Variants in ITSN2 observed in about 807,000 individuals in gnomAD.
ITSN2 encodes the protein intersectin 2, also known as intersectin-2.
ITSN2 carries 156 observed loss-of-function variants against 243.7 expected under a neutral mutation model. The observed-to-expected ratio is 0.64, with a 90% confidence interval of 0.56 to 0.73. The LOEUF (loss-of-function observed/expected upper bound fraction) is 0.73, where lower values mean the gene tolerates loss of function less well. Ranked by LOEUF, ITSN2 falls within the 30% of genes least tolerant of loss-of-function variation. ITSN2 has a pLI of 0.00. For missense variants in ITSN2, 1,801 were observed against 1,996.1 expected (o/e 0.90, Z 1.86); for synonymous variants, 703 against 699.9 (o/e 1.00, Z -0.07).
intron 25 of ITSN2, among the ~76,000 whole-genome samples, chr2:24,250,175 G>A (rs1025730831): frequency 2.0e-5 from 3 of 152,262 alleles, no homozygotes; most frequent in African/African-American, 7.2e-5. Flanking sequence ...AAAGTATGAC[G>A]GTTGTCTTAA....
At chr2:24,301,336 G>T (rs1461947884) in intron 10 of ITSN2, 97 bp from the exon 11 acceptor site, 1 of 635,660 alleles carries the variant, frequency 1.6e-6, no homozygotes. Context: ...TTGATATTGG[G>T]AATACAGTAT....
intron 29 of ITSN2, among the ~76,000 whole-genome samples, chr2:24,222,029 T>A (rs534412431): frequency 6.6e-6 from 1 of 151,942 alleles, no homozygotes; most frequent in Non-Finnish European, 1.5e-5. Flanking sequence ...AAGGTGGGTG[T>A]ATCACGAGGT....
At chr2:24,301,410 CAG>C (rs1472549287) in intron 10 of ITSN2, among the ~76,000 whole-genome samples, 171 bp from the exon 11 acceptor site, 3 of 152,118 alleles carry the variant, frequency 2.0e-5, no homozygotes, top group Non-Finnish European at 2.9e-5. Context: ...ATATTCAAGA[CAG>C]AGAAATCTGG....
At chr2:24,254,483 A>T in intron 23 of ITSN2, 52 bp from the exon 24 acceptor site, 2 of 1,431,872 alleles carry the variant, frequency 1.4e-6, no homozygotes, top group Non-Finnish European at 2.0e-6. Context: ...ACAAGCAAAA[A>T]TAAGAAAGGT....
intron 2 of ITSN2, among the ~76,000 whole-genome samples, chr2:24,322,305 T>C (rs1684662037): frequency 6.6e-6 from 1 of 152,168 alleles, no homozygotes; most frequent in South Asian, 2.1e-4. Context: ...GAAACAGTGG[T>C]ACAGAGATAT....
In ITSN2 at chr2:24,295,817, C is replaced by G; in HGVS notation, c.1495-13G>C. ...GATGTTTGCCATTCTATAGGAAGATCATATAAATATATAGTAACATAAAAT... is the reference window on the plus strand; with the variant it reads ...GATGTTTGCCATTCTATAGGAAGATGATATAAATATATAGTAACATAAAAT... On this transcript the variant is annotated splice_polypyrimidine_tract_variant and intron_variant, in intron 13 of 39. Coordinates refer to ENST00000355123, the MANE Select transcript of ITSN2 (RefSeq NM_006277.3). The G allele has an allele frequency of 6.7e-7, 1 of 1,496,054 alleles. No homozygotes were observed. The highest frequency in any genetic ancestry group is 1.4e-5 in the South Asian group (1 of 72,154). The allele number at this position is 1,496,054 out of a possible 1,614,324, so 92.7% of individuals were successfully genotyped here.
At chr2:24,215,969 G>T in intron 32 of ITSN2, 80 bp downstream of exon 32, 2 of 1,050,734 alleles carry the variant, frequency 1.9e-6, no homozygotes, top group Non-Finnish European at 2.6e-6. Context: ...TCCATTGCTG[G>T]GATTCCCTGT....
At chr2:24,205,437 T>G in intron 37 of ITSN2, 140 bp from the exon 38 acceptor site, 1 of 664,404 alleles carries the variant, frequency 1.5e-6, no homozygotes, top group Non-Finnish European at 2.6e-6. Flanking sequence ...CTGGCTGCCC[T>G]GTGCCTTTCC....
chr2:24,208,257 T>A lies in ITSN2; in HGVS notation c.4658A>T (p.Lys1553Met). 1 of 1,611,602 alleles carries A rather than the reference T, an allele frequency of 6.2e-7. No individual in the cohort carries two copies. Residue 1553 changes from lysine (K) to methionine (M), a missense_variant, in exon 37 of 40, where the codon AAG (lysine) becomes ATG (methionine). Around this residue, in one of 5 missense-constraint regions of ITSN2, gnomAD observed 928 missense variants for 1,065.4 expected, o/e 0.87. Transcript: ENST00000355123. ...GATACCTTGGTAAGCTTTCTCACGCTTCTTCTTCTCGGTGTCGATGTACTG... is the reference window on the plus strand; with the variant it reads ...GATACCTTGGTAAGCTTTCTCACGCATCTTCTTCTCGGTGTCGATGTACTG... ...SEQYIDTEKKKREKAYQARSQ... is the reference protein window; with the variant it reads ...SEQYIDTEKKMREKAYQARSQ...
chr2:24,276,160 A>T (rs1325526403), intron 17 of ITSN2, among the ~76,000 whole-genome samples: 2 of 152,246 alleles, frequency 1.3e-5, no homozygotes, highest in Non-Finnish European at 2.9e-5. Context: ...ATCCATTAAA[A>T]ATATGGGGGA....
intron 8 of ITSN2, among the ~76,000 whole-genome samples, chr2:24,305,576 C>CAAAAAAAAAAAAAAAA (rs537945691): frequency 9.8e-5 from 4 of 40,904 alleles, no homozygotes; most frequent in African/African-American, 2.2e-4. Context: ...GACTCTGTCT[C>CAAAAAAAAAAAAAAAA]AAAAAAAAAA....
intron 20 of ITSN2, among the ~76,000 whole-genome samples, chr2:24,268,769 A>C (rs1676982953): frequency 6.6e-6 from 1 of 151,894 alleles, no homozygotes; most frequent in African/African-American, 2.4e-5. Context: ...AAAAAAAAAA[A>C]AACTTCCCTC....
intron 30 of ITSN2, chr2:24,220,720 A>C: frequency 7.5e-7 from 1 of 1,339,134 alleles, no homozygotes; most frequent in Non-Finnish European, 9.5e-7. Flanking sequence ...GAGTGACCTC[A>C]TCTGGGGGAA....
chr2:24,350,899 C>T (rs1014769472), intron 1 of ITSN2, among the ~76,000 whole-genome samples: 1 of 152,016 alleles, frequency 6.6e-6, no homozygotes, highest in African/African-American at 2.4e-5. Context: ...CTTTTAAGAA[C>T]GACGAAAATG....
chr2:24,284,753 AGAAAATAACCTTAAGTAAGAGGAAGAG>A lies in ITSN2; in HGVS notation c.1927_1944+9del. On this transcript the variant is annotated splice_donor_variant and splice_donor_5th_base_variant and coding_sequence_variant and intron_variant, in exon 17 of 40. Coordinates refer to ENST00000355123, the MANE Select transcript of ITSN2 (RefSeq NM_006277.3). LOFTEE classifies it high-confidence loss of function. ...ACTCAAAGAAAAGAAGCTAGATATT[AGAAAATAACCTTAAGTAAGAGGAAGAG>A]GTTGTTGAGACAGCTTAGCAGAGAC... The A allele has an allele frequency of 6.6e-7, 1 of 1,520,472 alleles. No individual in the cohort carries two copies. Among genetic ancestry groups the A allele is most frequent in the Non-Finnish European group, 9.1e-7 (1 of 1,098,790 alleles). The allele number at this position is 1,520,472 out of a possible 1,614,324, so 94.2% of individuals were successfully genotyped here.
chr2:24,290,532 TGTTTA>T (rs1238615893), intron 15 of ITSN2, among the ~76,000 whole-genome samples: 3 of 152,224 alleles, frequency 2.0e-5, no homozygotes, highest in Admixed American at 6.5e-5. Flanking sequence ...CTCTATGTAT[TGTTTA>T]AAGAGACCTT....
At chr2:24,324,567 G>A (rs1684941977) in intron 2 of ITSN2, among the ~76,000 whole-genome samples, 1 of 152,000 alleles carries the variant, frequency 6.6e-6, no homozygotes. Context: ...GTACAAAGAT[G>A]AATAAAATGA....
chr2:24,215,149 G>T (rs1669839717), intron 32 of ITSN2, among the ~76,000 whole-genome samples: 1 of 152,142 alleles, frequency 6.6e-6, no homozygotes, highest in South Asian at 2.1e-4. Flanking sequence ...AACTTGTGAC[G>T]TGGCATCACG....
At chr2:24,301,938 T>G in intron 10 of ITSN2, 27 bp downstream of exon 10, 3 of 1,586,704 alleles carry the variant, frequency 1.9e-6, no homozygotes, top group Non-Finnish European at 2.6e-6. Flanking sequence ...ATCAAAACCA[T>G]AGTTCTCCAC....
Sources: allele counts gnomAD v4.1 joint callset (sites outside exome capture counted in the v4.1 genomes callset), GRCh38; gene constraint gnomAD v4.1.1; regional missense constraint gnomAD v4.1.1; transcripts MANE v1.5; gene names NCBI Gene and HGNC (gene_info 2026-07-23, HGNC 2026-07-21).